The following ADD2 variants were observed in gnomAD, a reference collection of about 807,000 sequenced individuals.
The protein encoded by ADD2 is beta-adducin.
In ADD2, 23 loss-of-function variants were observed where a neutral mutation model predicts 83.0. That is an observed-to-expected ratio of 0.28 (90% CI 0.20 to 0.39). The LOEUF (loss-of-function observed/expected upper bound fraction) is 0.39. ADD2 is among the 10% of genes least tolerant of loss of function. ADD2 has a pLI of 1.00. For missense variants in ADD2, 758 were observed against 944.9 expected, an observed-to-expected ratio of 0.80 and a Z score of 2.59; for synonymous variants, 375 against 375.4, an observed-to-expected ratio of 1.00 and a Z score of 0.01.
In ADD2 at chr2:70,742,969, T is replaced by A. The variant is rs144399800; in HGVS notation, c.-154+24917A>T. Among the ~76,000 whole-genome samples, 204 of 152,352 alleles carry A rather than the reference T, an allele frequency of 1.3e-3. 1 individual carries two copies. The highest frequency in any genetic ancestry group is 2.3e-3 in the Non-Finnish European group (155 of 68,026). On this transcript the variant is annotated intron_variant, in intron 1 of 15. Coordinates refer to ENST00000264436, the MANE Select transcript of ADD2 (RefSeq NM_001617.4). The stretch of plus-strand genomic sequence containing the variant: ...TCTTTGAAAATCTTATTAAATCCTA[T>A]CCTATGGATCCTATGTTACAGATGT...
chr2:70,741,581 T>C (rs782486156), intron 1 of ADD2, among the ~76,000 whole-genome samples: 12 of 152,214 alleles, frequency 7.9e-5, no homozygotes, highest in Non-Finnish European at 1.6e-4. Context: ...CAGGTCAGCA[T>C]TCCCATACGT....
At chr2:70,721,357 T>G (rs1672720556) in intron 1 of ADD2, among the ~76,000 whole-genome samples, 2 of 152,244 alleles carry the variant, frequency 1.3e-5, no homozygotes, top group Admixed American at 6.5e-5. Flanking sequence ...CATCTTAGTC[T>G]ATTCTCCCCC....
intron 14 of ADD2, among the ~76,000 whole-genome samples, chr2:70,673,969 C>G (rs1295414859): frequency 6.6e-6 from 1 of 151,396 alleles, no homozygotes; most frequent in Non-Finnish European, 1.5e-5. Context: ...GGAAGAAGAC[C>G]CTGCCTTGAG....
intron 10 of ADD2, 28 bp from the exon 11 acceptor site, chr2:70,678,989 A>G: frequency 3.2e-6 from 5 of 1,568,168 alleles, no homozygotes; most frequent in Non-Finnish European, 4.3e-6. Context: ...AGAACCACTT[A>G]TGGGGTGAGA....
intron 8 of ADD2, among the ~76,000 whole-genome samples, chr2:70,688,976 C>G (rs1574245359): frequency 1.3e-5 from 2 of 151,932 alleles, no homozygotes; most frequent in African/African-American, 4.8e-5. Context: ...GTGATGGGGC[C>G]TGCCTGTAGT....
chr2:70,732,443 T>C (rs1382876243), intron 1 of ADD2, among the ~76,000 whole-genome samples: 1 of 152,176 alleles, frequency 6.6e-6, no homozygotes, highest in African/African-American at 2.4e-5. Context: ...AGAAAGTTTC[T>C]CCTAATTCCT....
intron 10 of ADD2, among the ~76,000 whole-genome samples, chr2:70,679,267 G>A (rs1670338439): frequency 6.6e-6 from 1 of 152,064 alleles, no homozygotes; most frequent in South Asian, 2.1e-4. Context: ...ATTTCCTCTG[G>A]TCCAGTGGCT....
At chr2:70,691,211 T>C (rs1370563236) in intron 7 of ADD2, among the ~76,000 whole-genome samples, 1 of 152,172 alleles carries the variant, frequency 6.6e-6, no homozygotes, top group Non-Finnish European at 1.5e-5. Context: ...CAGAGACCTA[T>C]TGCTGCCCCT....
intron 1 of ADD2, among the ~76,000 whole-genome samples, chr2:70,720,541 G>A (rs2104436195): frequency 6.6e-6 from 1 of 152,180 alleles, no homozygotes; most frequent in East Asian, 1.9e-4. Flanking sequence ...CCATATGTTG[G>A]GTCTCTGTTC....
chr2:70,692,631 C>CA (rs1671103575), intron 6 of ADD2, 79 bp from the exon 7 acceptor site: 2 of 1,429,294 alleles, frequency 1.4e-6, no homozygotes, highest in African/African-American at 2.9e-5. Flanking sequence ...GTGGGCCCAG[C>CA]ATGTGCCGCC....
chr2:70,668,059 G>A (rs981868860), intron 15 of ADD2, among the ~76,000 whole-genome samples: 15 of 152,112 alleles, frequency 9.9e-5, no homozygotes, highest in Admixed American at 2.6e-4. Flanking sequence ...TTCTTGAGCC[G>A]CGACACCCAT....
intron 10 of ADD2, 62 bp downstream of exon 10, chr2:70,683,529 C>T: frequency 6.5e-7 from 1 of 1,527,646 alleles, no homozygotes; most frequent in Non-Finnish European, 8.9e-7. Flanking sequence ...CCTTGTACTT[C>T]CTGGTTCCAG....
chr2:70,672,472 T>G (rs1669934681), intron 15 of ADD2, among the ~76,000 whole-genome samples: 1 of 152,214 alleles, frequency 6.6e-6, no homozygotes, highest in Non-Finnish European at 1.5e-5. Flanking sequence ...ATCATTACCC[T>G]CACCTGGGAA....
intron 9 of ADD2, among the ~76,000 whole-genome samples, chr2:70,687,792 G>A (rs1553370774): frequency 6.6e-6 from 1 of 152,188 alleles, no homozygotes; most frequent in East Asian, 1.9e-4. Flanking sequence ...TAAGAAGTGG[G>A]TATTTATTGC....
At chr2:70,739,248 C>T (rs553341016) in intron 1 of ADD2, among the ~76,000 whole-genome samples, 5 of 152,106 alleles carry the variant, frequency 3.3e-5, no homozygotes, top group Non-Finnish European at 5.9e-5. Context: ...TTTAAAAAGA[C>T]GACATACATG....
At chr2:70,710,504 G>C (rs1672127149) in intron 2 of ADD2, among the ~76,000 whole-genome samples, 1 of 152,244 alleles carries the variant, frequency 6.6e-6, no homozygotes, top group Admixed American at 6.5e-5. Flanking sequence ...TACTCCGATG[G>C]GGGTGGTGTA....
rs563652562 is a variant in ADD2, at chr2:70,661,018, A to G, written c.*2407T>C. 5 of 152,314 alleles carry G rather than the reference A, an allele frequency of 3.3e-5. No individual in the cohort carries two copies. The highest frequency in any genetic ancestry group is 1.2e-4 in the African/African-American group (5 of 41,568). 9.4% of individuals were successfully genotyped at this position (152,314 alleles called of 1,614,324 possible). A position where few individuals can be genotyped will look rare whatever the true frequency, so the allele number is the denominator to read the frequency against. ...TGTTTTTGGAATGCATGAGGAATGAACCAACTGACAGGTTCATCTATCAAT... is the reference window on the plus strand; with the variant it reads ...TGTTTTTGGAATGCATGAGGAATGAGCCAACTGACAGGTTCATCTATCAAT... On this transcript the variant is annotated 3_prime_UTR_variant, in exon 16 of 16. Coordinates refer to ENST00000264436, the MANE Select transcript of ADD2 (RefSeq NM_001617.4).
chr2:70,708,590 T>C (rs1553374937), intron 2 of ADD2, among the ~76,000 whole-genome samples: 2 of 152,216 alleles, frequency 1.3e-5, no homozygotes, highest in Non-Finnish European at 2.9e-5. Context: ...AATCTGACTC[T>C]CACATCACAG....
At chr2:70,720,368 C>T (rs188793794) in intron 1 of ADD2, among the ~76,000 whole-genome samples, 137 of 146,690 alleles carry the variant, frequency 9.3e-4, no homozygotes, top group Admixed American at 4.0e-3. Context: ...TGCTGGCCTC[C>T]GGAATCTCCA....
Sources: gnomAD v4.1 joint callset for allele counts (sites outside exome capture counted in the v4.1 genomes callset) on GRCh38, gnomAD v4.1.1 for gene constraint, MANE v1.5 for transcripts, NCBI Gene and HGNC (gene_info 2026-07-23, HGNC 2026-07-21) for gene names.